The following LRP1B variants were observed in gnomAD, a reference collection of about 807,000 sequenced individuals.
LRP1B encodes low-density lipoprotein receptor-related protein 1B.
A neutral mutation model predicts 556.6 loss-of-function variants in LRP1B; 217 were observed. The observed-to-expected ratio is 0.39, with a 90% CI of 0.35 to 0.44. LRP1B has a LOEUF of 0.44. Among genes scored for constraint, LRP1B ranks in the 20% least tolerant of loss-of-function variants. The pLI is 1.00. For missense variants in LRP1B, 5,053 were observed against 5,620.8 expected, an observed-to-expected ratio of 0.90 and a Z score of 3.23; for synonymous variants, 2,047 against 1,865.8, an observed-to-expected ratio of 1.10 and a Z score of -2.50.
chr2:141,398,306 A>T (rs1690319319), intron 3 of LRP1B, among the ~76,000 whole-genome samples: 1 of 152,210 alleles, frequency 6.6e-6, no homozygotes. Flanking sequence ...AAACTGGTTC[A>T]TATTGATGCT....
chr2:141,491,519 A>G (rs1683334729), intron 2 of LRP1B, among the ~76,000 whole-genome samples: 1 of 152,130 alleles, frequency 6.6e-6, no homozygotes, highest in Non-Finnish European at 1.5e-5. Flanking sequence ...CCTAACTGCA[A>G]TTTTGAAGTT....
At chr2:140,909,060 A>C (rs1028477409) in intron 21 of LRP1B, among the ~76,000 whole-genome samples, 2 of 152,164 alleles carry the variant, frequency 1.3e-5, no homozygotes, top group Non-Finnish European at 2.9e-5. Context: ...AACCTCCCAA[A>C]GTACTGGGAT....
chr2:140,246,553 C>T (rs962928035), intron 87 of LRP1B, among the ~76,000 whole-genome samples: 3 of 145,060 alleles, frequency 2.1e-5, no homozygotes, highest in Non-Finnish European at 4.6e-5. Flanking sequence ...AAATGTTGAT[C>T]TATATTTTAA....
At chr2:141,399,791 A>G (rs982156314) in intron 3 of LRP1B, among the ~76,000 whole-genome samples, 11 of 152,188 alleles carry the variant, frequency 7.2e-5, no homozygotes, top group African/African-American at 2.2e-4. Context: ...AGAAATAGAA[A>G]CCAAATTTGT....
chr2:140,884,131 TC>T, intron 24 of LRP1B, 110 bp from the exon 25 acceptor site: 1 of 1,018,708 alleles, frequency 9.8e-7, no homozygotes, highest in East Asian at 2.4e-5. Context: ...CAATGTGATT[TC>T]AACTTTGAGA....
At chr2:140,808,272 G>A (rs1690795733) in intron 32 of LRP1B, among the ~76,000 whole-genome samples, 1 of 124,002 alleles carries the variant, frequency 8.1e-6, no homozygotes. Context: ...CCATGACAAT[G>A]TTAGAGGATT....
At chr2:141,136,300 C>A (rs1243689809) in intron 7 of LRP1B, among the ~76,000 whole-genome samples, 2 of 151,744 alleles carry the variant, frequency 1.3e-5, no homozygotes, top group African/African-American at 4.8e-5. Context: ...AGGAACTTAG[C>A]ACCTCTTGAT....
At chr2:140,755,968 C>G (rs1688730160) in intron 35 of LRP1B, among the ~76,000 whole-genome samples, 1 of 151,730 alleles carries the variant, frequency 6.6e-6, no homozygotes, top group Non-Finnish European at 1.5e-5. Context: ...CCTAAGGGAT[C>G]CACTAAAAAT....
rs1463170871 is a variant in LRP1B, at chr2:140,373,124, G to C, written c.10652C>G (p.Thr3551Arg). The C allele has an allele frequency of 1.2e-6, 2 of 1,612,750 alleles. No homozygotes were observed. Among genetic ancestry groups the C allele is most frequent in the South Asian group, 1.1e-5 (1 of 91,022 alleles). The change falls in exon 69 of 91, where the codon ACA becomes AGA. Residue 3551 changes from threonine to arginine, a missense_variant. By Grantham distance (71) the Thr-to-Arg change is moderately conservative. Coordinates refer to ENST00000389484, the MANE Select transcript of LRP1B (RefSeq NM_018557.3). ...CCGGAACTGATCTTTGGAACAACTT[G>C]TCTCACAATTTCTCTATGAAAAACA... Reference protein sequence around the residue: ...ADGSDERNCETSCSKDQFRCS... With the variant: ...ADGSDERNCERSCSKDQFRCS...
At chr2:141,280,737 T>C (rs900848182) in intron 3 of LRP1B, among the ~76,000 whole-genome samples, 5 of 151,966 alleles carry the variant, frequency 3.3e-5, no homozygotes, top group Non-Finnish European at 7.4e-5. Context: ...AAACATATAG[T>C]ACTTAATAAT....
intron 1 of LRP1B, among the ~76,000 whole-genome samples, chr2:141,918,272 A>G (rs953182433): frequency 6.6e-6 from 1 of 152,100 alleles, no homozygotes; most frequent in South Asian, 2.1e-4. Flanking sequence ...TCGATACGTT[A>G]CAATGAACAT....
At chr2:142,107,432 T>G (rs1706784923) in intron 1 of LRP1B, among the ~76,000 whole-genome samples, 1 of 152,112 alleles carries the variant, frequency 6.6e-6, no homozygotes, top group South Asian at 2.1e-4. Flanking sequence ...ACCTCTGCCT[T>G]CTGCTATGGG....
At chr2:140,604,410 C>T (rs1213698596) in intron 41 of LRP1B, among the ~76,000 whole-genome samples, 1 of 151,974 alleles carries the variant, frequency 6.6e-6, no homozygotes, top group Non-Finnish European at 1.5e-5. Flanking sequence ...TTCCTGGATT[C>T]TAGTTTCCAT....
chr2:141,444,709 G>C (rs1253551904), intron 3 of LRP1B, among the ~76,000 whole-genome samples: 1 of 152,140 alleles, frequency 6.6e-6, no homozygotes, highest in Non-Finnish European at 1.5e-5. Context: ...CATTGGTTCT[G>C]TTTATGTGGT....
At chr2:140,980,794 A>G (rs1696746750) in intron 18 of LRP1B, among the ~76,000 whole-genome samples, 1 of 152,226 alleles carries the variant, frequency 6.6e-6, no homozygotes, top group South Asian at 2.1e-4. Context: ...ATGCACACAC[A>G]TGTTTAGAGC....
At chr2:141,503,614 G>A (rs1409593944) in intron 2 of LRP1B, among the ~76,000 whole-genome samples, 3 of 152,028 alleles carry the variant, frequency 2.0e-5, no homozygotes, top group African/African-American at 7.2e-5. Context: ...TTTGCAGTGT[G>A]CCAGAAAAAC....
At chr2:141,067,929 G>T (rs1472226534) in intron 7 of LRP1B, among the ~76,000 whole-genome samples, 1 of 151,922 alleles carries the variant, frequency 6.6e-6, no homozygotes, top group Non-Finnish European at 1.5e-5. Flanking sequence ...GATGAAAGAA[G>T]ACATGTCTCC....
intron 32 of LRP1B, among the ~76,000 whole-genome samples, chr2:140,797,461 A>G (rs1011746215): frequency 3.3e-5 from 5 of 152,234 alleles, no homozygotes; most frequent in South Asian, 2.1e-4. Context: ...AACATTAACT[A>G]TAACAGCTTG....
intron 16 of LRP1B, among the ~76,000 whole-genome samples, chr2:140,993,590 C>A (rs187642793): frequency 6.6e-6 from 1 of 151,976 alleles, no homozygotes; most frequent in Admixed American, 6.6e-5. Context: ...GGCTCTGTTG[C>A]CAAAGAGCAG....
Sources: allele counts gnomAD v4.1 joint callset (sites outside exome capture counted in the v4.1 genomes callset), GRCh38; gene constraint gnomAD v4.1.1; transcripts MANE v1.5; gene names NCBI Gene and HGNC (gene_info 2026-07-23, HGNC 2026-07-21).